Variants in CRACR2A observed in about 807,000 individuals in gnomAD.
CRACR2A encodes the protein EF-hand calcium-binding domain-containing protein 4B.
Under a neutral mutation model 90.5 loss-of-function variants are expected in CRACR2A, and 79 were observed. The ratio of observed to expected loss-of-function variants is 0.87; its 90% confidence interval spans 0.73 to 1.05. The LOEUF is 1.05. Among genes scored for constraint, CRACR2A ranks in the 50% least tolerant of loss-of-function variants. CRACR2A has a pLI of 0.00. For missense variants in CRACR2A, 823 were observed against 897.2 expected (o/e 0.92, Z 1.06); for synonymous variants, 338 against 356.7 (o/e 0.95, Z 0.59).
intron 3 of CRACR2A, among the ~76,000 whole-genome samples, chr12:3,710,802 A>G (rs1308614375): frequency 1.0e-4 from 15 of 150,516 alleles, no homozygotes; most frequent in East Asian, 2.0e-4. Flanking sequence ...AAAAAAAAAA[A>G]AAAGAAAGAA....
rs1419644312 is a variant in CRACR2A at position 3,656,411 on chromosome 12, C to T, written c.763-5G>A. 6.2e-7 allele frequency: 1 copy of T among 1,613,958 alleles called. No individual in the cohort carries two copies. ...GGCTTGAAACCTCTCTGTGTCCTGCCAAGCCAGAAAGAGGGACACACAGGA... is the reference window on the plus strand; with the variant it reads ...GGCTTGAAACCTCTCTGTGTCCTGCTAAGCCAGAAAGAGGGACACACAGGA... On this transcript the variant is annotated splice_region_variant and splice_polypyrimidine_tract_variant and intron_variant, in intron 8 of 19. Coordinates refer to ENST00000440314, the MANE Select transcript of CRACR2A (RefSeq NM_001144958.2).
At chr12:3,641,702 T>G in intron 13 of CRACR2A, 30 bp downstream of exon 13, 1 of 1,541,444 alleles carries the variant, frequency 6.5e-7, no homozygotes, top group Non-Finnish European at 8.8e-7. Flanking sequence ...CTGAGAGGAA[T>G]GAAGGGATGA....
chr12:3,681,410 G>C (rs1190975114), intron 4 of CRACR2A, among the ~76,000 whole-genome samples: 1 of 152,232 alleles, frequency 6.6e-6, no homozygotes, highest in Non-Finnish European at 1.5e-5. Flanking sequence ...AAGGAGGGAA[G>C]GGCAGAGAAC....
rs1392345981 is a variant in CRACR2A, at chr12:3,633,210, G to A, written c.1735+394C>T. 1.3e-5 allele frequency among the ~76,000 whole-genome samples: 2 copies of A among 152,102 alleles called. No homozygotes were observed. The highest frequency in any genetic ancestry group is 2.1e-4 in the South Asian group (1 of 4,810). ...GTGTGGCAGGATGTGGGTCTCGGGA[G>A]GAGTCCTGGTCAGTTCAGGGGGAGC... On this transcript the variant is annotated intron_variant, in intron 15 of 19. Coordinates refer to ENST00000440314, the MANE Select transcript of CRACR2A (RefSeq NM_001144958.2). The surrounding 1 kb of genome is among the most constrained non-coding windows in gnomAD (Gnocchi z 4.5).
chr12:3,668,716 T>A (rs1416673937), intron 7 of CRACR2A, among the ~76,000 whole-genome samples: 2 of 152,208 alleles, frequency 1.3e-5, no homozygotes, highest in African/African-American at 2.4e-5. Flanking sequence ...CCATCATAGC[T>A]GGGGCTGCCT....
intron 10 of CRACR2A, among the ~76,000 whole-genome samples, chr12:3,650,630 C>T (rs988089688): frequency 6.6e-6 from 1 of 152,052 alleles, no homozygotes; most frequent in Non-Finnish European, 1.5e-5. Flanking sequence ...GCTTTAGGGT[C>T]CCCCCACCCC....
intron 3 of CRACR2A, 124 bp downstream of exon 3, chr12:3,713,113 C>T (rs768175052): frequency 1.5e-4 from 43 of 280,116 alleles, no homozygotes; most frequent in Non-Finnish European, 2.3e-4. Context: ...GGGCCCACTG[C>T]TGATCCTCAT....
intron 4 of CRACR2A, among the ~76,000 whole-genome samples, chr12:3,688,183 T>C (rs1449258858): frequency 6.6e-6 from 1 of 152,230 alleles, no homozygotes; most frequent in East Asian, 1.9e-4. Flanking sequence ...GCAGAAGCTC[T>C]TTAGTTTAAT....
intron 1 of CRACR2A, among the ~76,000 whole-genome samples, chr12:3,735,080 A>G (rs995182076): frequency 9.1e-5 from 11 of 120,974 alleles, no homozygotes; most frequent in Non-Finnish European, 1.7e-4. Flanking sequence ...ACTTTATAAA[A>G]AAAATTTTCT....
At chr12:3,662,654 G>A (rs1945058696) in intron 7 of CRACR2A, among the ~76,000 whole-genome samples, 1 of 152,160 alleles carries the variant, frequency 6.6e-6, no homozygotes, top group African/African-American at 2.4e-5. Context: ...TGATGCAATT[G>A]GGAAGATGAA....
chr12:3,751,947 TC>T (rs567607830), intron 1 of CRACR2A, among the ~76,000 whole-genome samples: 94 of 152,350 alleles, frequency 6.2e-4, no homozygotes, highest in African/African-American at 1.9e-3. Context: ...GGGCATGAAC[TC>T]TGGACCCTTC....
At chr12:3,750,155 C>T (rs1235507394) in intron 1 of CRACR2A, among the ~76,000 whole-genome samples, 1 of 151,892 alleles carries the variant, frequency 6.6e-6, no homozygotes, top group Non-Finnish European at 1.5e-5. Flanking sequence ...AGGCTGGTCT[C>T]GAACTTCTGA....
intron 4 of CRACR2A, among the ~76,000 whole-genome samples, chr12:3,685,794 G>A (rs1481906052): frequency 6.6e-6 from 1 of 152,176 alleles, no homozygotes; most frequent in Non-Finnish European, 1.5e-5. Context: ...AAAGAGTTCT[G>A]GAGATAAATG....
intron 7 of CRACR2A, among the ~76,000 whole-genome samples, chr12:3,660,539 A>G (rs1240799847): frequency 6.6e-6 from 1 of 152,020 alleles, no homozygotes; most frequent in East Asian, 1.9e-4. Context: ...GGTCATCCCC[A>G]CGGATGACCC....
chr12:3,694,067 T>C (rs1413014724), intron 4 of CRACR2A, among the ~76,000 whole-genome samples: 1 of 152,158 alleles, frequency 6.6e-6, no homozygotes, highest in Non-Finnish European at 1.5e-5. Flanking sequence ...TCCCCGTGCA[T>C]GGTAGCCCCA....
At chr12:3,717,914 G>A (rs370532337) in intron 2 of CRACR2A, among the ~76,000 whole-genome samples, 1 of 152,128 alleles carries the variant, frequency 6.6e-6, no homozygotes, top group Non-Finnish European at 1.5e-5. Flanking sequence ...TGAGGCTCAG[G>A]ATCCTGTGCT....
rs1946007269 is a variant in CRACR2A at position 3,711,636 on chromosome 12, T to C, written c.-37+1601A>G. On this transcript the variant is annotated intron_variant, in intron 3 of 19. Coordinates refer to ENST00000440314, the MANE Select transcript of CRACR2A (RefSeq NM_001144958.2). The surrounding 1 kb of genome is among the most constrained non-coding windows in gnomAD (Gnocchi z 4.3). ...TTAAGATTGAGGCCTTCTCTACAGC[T>C]CTTCTCTTCTTCTGAGCCCTCACCA... 7.2e-6 allele frequency among the ~76,000 whole-genome samples: 1 copy of C among 138,194 alleles called. No individual in the cohort carries two copies. The highest frequency in any genetic ancestry group is 7.5e-5 in the Admixed American group (1 of 13,278). The allele number at this position is 138,194 out of a possible 152,430, so 90.7% of individuals were successfully genotyped here. A position where few individuals can be genotyped will look rare whatever the true frequency, so the allele number is the denominator to read the frequency against.
chr12:3,630,906 T>C (rs7294596), intron 15 of CRACR2A, among the ~76,000 whole-genome samples: 3,946 of 152,280 alleles, frequency 0.026, 165 homozygotes, highest in African/African-American at 0.089. Context: ...ACCAGGAAGT[T>C]GGAGGACCCC....
intron 17 of CRACR2A, among the ~76,000 whole-genome samples, chr12:3,624,252 T>C (rs1194368404): frequency 6.6e-6 from 1 of 152,236 alleles, no homozygotes; most frequent in Admixed American, 6.5e-5. Context: ...CACTTACTAA[T>C]AAGGCTTCAG....
Sources: allele counts gnomAD v4.1 joint callset (sites outside exome capture counted in the v4.1 genomes callset), GRCh38; gene constraint gnomAD v4.1.1; non-coding constraint Gnocchi (gnomAD v3.1); transcripts MANE v1.5; gene names NCBI Gene and HGNC (gene_info 2026-07-23, HGNC 2026-07-21).